The following CBLC variants were observed in gnomAD, a reference collection of about 807,000 sequenced individuals.
CBLC encodes the protein E3 ubiquitin-protein ligase CBL-C.
In CBLC, 46 loss-of-function variants were observed where a neutral mutation model predicts 58.6. That is an observed-to-expected ratio of 0.79 (90% confidence interval 0.62 to 1.00). The LOEUF (loss-of-function observed/expected upper bound fraction) is 1.00, where lower values mean the gene tolerates loss of function less well. CBLC is among the 50% of genes least tolerant of loss of function. The probability of loss-of-function intolerance (pLI) is 0.00; values close to 1 mark genes in which losing one functional copy is unlikely to be tolerated. For synonymous variants in CBLC, 271 were observed against 264.2 expected (o/e 1.03, Z -0.25); for missense variants, 655 against 625.8 (o/e 1.05, Z -0.50).
rs201152826 is a variant in CBLC at position 44,799,743 on chromosome 19, AAGAG to A, written c.1363-632_1363-629del. ...GAAAGAAGGAGGGAGAGAGAAAGGA[AAGAG>A]AGAGAAATAGAAAAAGAAAGAAAGG... On this transcript the variant is annotated intron_variant, in intron 9 of 10. Transcript: ENST00000647358. Among the ~76,000 whole-genome samples, 919 of 151,542 alleles carry A rather than the reference AAGAG, an allele frequency of 6.1e-3. 11 individuals carry two copies. The highest frequency in any genetic ancestry group is 0.021 in the African/African-American group (846 of 41,146).
Position 44,781,289 on chromosome 19 carries a change from C to G in CBLC, c.583C>G (p.Arg195Gly), listed in dbSNP as rs372310813. The G allele has an allele frequency of 6.2e-7, 1 of 1,613,480 alleles. No homozygotes were observed. The highest frequency in any genetic ancestry group is 8.5e-7 in the Non-Finnish European group (1 of 1,179,982). ...VEPGCTALAL[R>G]TTIDLTCSGH... ...ACCAGGCTGCACAGCCCTGGCCTTG[C>G]GCACCACCATTGACCTCACCTGCAG... The change falls in exon 3 of 11, where the codon CGC (arginine) becomes GGC (glycine). Residue 195 changes from arginine (R) to glycine (G), a missense_variant. By Grantham distance (125) the Arg-to-Gly change is moderately radical. This residue lies in a region of CBLC where 371 missense variants were observed against 370.8 expected (regional missense o/e 1.00). Coordinates refer to ENST00000647358, the MANE Select transcript of CBLC (RefSeq NM_012116.4).
chr19:44,782,501 C>T lies in CBLC; in HGVS notation c.779+10C>T, dbSNP rs775798790. 6.8e-6 allele frequency: 11 copies of T among 1,611,204 alleles called. No individual in the cohort carries two copies. The highest frequency in any genetic ancestry group is 8.5e-6 in the Non-Finnish European group (10 of 1,177,748). The stretch of plus-strand genomic sequence containing the variant: ...GGGACAAGCCAGGCAGGTAAAGGGT[C>T]CAGGGCTCAGCAGAACAAGGCTGCA... On this transcript the variant is annotated intron_variant, in intron 4 of 10. Coordinates refer to ENST00000647358, the MANE Select transcript of CBLC (RefSeq NM_012116.4).
At chr19:44,789,028 T>C (rs1203763903) in intron 5 of CBLC, among the ~76,000 whole-genome samples, 4 of 152,098 alleles carry the variant, frequency 2.6e-5, no homozygotes, top group Non-Finnish European at 5.9e-5. Flanking sequence ...CAATATTTCA[T>C]GTGCTATACA....
In CBLC at chr19:44,778,077, C is replaced by T. The variant is rs148948759; in HGVS notation, c.146C>T (p.Pro49Leu). The T allele has an allele frequency of 1.8e-5, 29 of 1,608,228 alleles. No homozygotes were observed. The highest frequency in any genetic ancestry group is 2.2e-5 in the South Asian group (2 of 91,066). ...CCCCCTTCGCTGCGGGACCTGCTGC[C>T]CCGCACAGCGCAGCTGCTTCGAGAG... ...VSPPSLRDLLPRTAQLLREVA... is the reference protein window; with the variant it reads ...VSPPSLRDLLLRTAQLLREVA... The change falls in exon 1 of 11, where the codon CCC becomes CTC. Residue 49 changes from proline (P) to leucine (L), a missense_variant. Physicochemically the swap from Pro to Leu is moderately conservative, Grantham distance 98. This residue lies in a region of CBLC where 280 missense variants were observed against 237.2 expected (regional missense o/e 1.18). Transcript: ENST00000647358.
At position 44,777,954 on chromosome 19, in the gene CBLC, G is replaced by T. The variant is rs34932144; in HGVS notation, c.23G>T (p.Trp8Leu). ...CCCATGGCTCTGGCGGTGGCCCCGTGGGGGCGACAGTGGGAAGAGGCCCGC... is the reference window on the plus strand; with the variant it reads ...CCCATGGCTCTGGCGGTGGCCCCGTTGGGGCGACAGTGGGAAGAGGCCCGC... MALAVAP[W>L]GRQWEEARAL... Residue 8 changes from tryptophan (W) to leucine (L), a missense_variant, in exon 1 of 11, where the codon TGG (tryptophan) becomes TTG (leucine). By Grantham distance (61) the Trp-to-Leu change is moderately conservative (BLOSUM62 -2). Around this residue, in one of 3 missense-constraint regions of CBLC, gnomAD observed 280 missense variants for 237.2 expected, o/e 1.18. Coordinates refer to ENST00000647358, the MANE Select transcript of CBLC (RefSeq NM_012116.4). 15 of 1,599,292 alleles carry T rather than the reference G, an allele frequency of 9.4e-6. No individual in the cohort carries two copies. The highest frequency in any genetic ancestry group is 1.7e-4 in the Middle Eastern group (1 of 6,016).
intron 9 of CBLC, 74 bp downstream of exon 9, chr19:44,794,355 C>G: frequency 7.0e-7 from 1 of 1,419,348 alleles, no homozygotes; most frequent in Non-Finnish European, 9.9e-7. Flanking sequence ...CACCTGTGCA[C>G]TCAGGGGTGC....
intron 3 of CBLC, among the ~76,000 whole-genome samples, 195 bp downstream of exon 3, chr19:44,781,558 A>AG (rs1372383150): frequency 3.0e-4 from 5 of 16,788 alleles, no homozygotes; most frequent in East Asian, 2.7e-3. Context: ...CTGAGGGAGG[A>AG]GGGGCTGGGG....
rs779009321 is a variant in CBLC at position 44,777,927 on chromosome 19, C to T, written c.-5C>T. 8.3e-6 allele frequency: 13 copies of T among 1,567,060 alleles called. No homozygotes were observed. In the South Asian group the frequency reaches 1.3e-4, roughly 15 times the overall value. ...CCGGTCCTTCCCGGCACACGCGAGG[C>T]TCCCATGGCTCTGGCGGTGGCCCCG... On this transcript the variant is annotated 5_prime_UTR_variant, in exon 1 of 11. Transcript: ENST00000647358.
At chr19:44,780,829 G>A in intron 1 of CBLC, 76 bp from the exon 2 acceptor site, 1 of 1,435,162 alleles carries the variant, frequency 7.0e-7, no homozygotes, top group Non-Finnish European at 9.6e-7. Context: ...ATCCCTGCAG[G>A]TGTTCCCCAT....
Position 44,778,019 on chromosome 19 carries a change from G to C in CBLC, c.88G>C (p.Glu30Gln). 1 of 1,609,270 alleles carries C rather than the reference G, an allele frequency of 6.2e-7. No individual in the cohort carries two copies. Among genetic ancestry groups the C allele is most frequent in the Non-Finnish European group, 8.5e-7 (1 of 1,179,592 alleles). ...AGTCAGGATGCTGCAGCGCCTAGAAGAGCAATGCGTCGACCCCCGGCTGTC... is the reference window on the plus strand; with the variant it reads ...AGTCAGGATGCTGCAGCGCCTAGAACAGCAATGCGTCGACCCCCGGCTGTC... ...RAVRMLQRLE[E>Q]QCVDPRLSVS... Residue 30 changes from glutamate to glutamine, a missense_variant, in exon 1 of 11, where the codon GAG becomes CAG. By Grantham distance (29) the Glu-to-Gln change is conservative (BLOSUM62 2). This residue lies in a region of CBLC where 280 missense variants were observed against 237.2 expected (regional missense o/e 1.18). Transcript: ENST00000647358.
At chr19:44,787,267 G>A (rs973050242) in intron 5 of CBLC, among the ~76,000 whole-genome samples, 4 of 151,510 alleles carry the variant, frequency 2.6e-5, no homozygotes, top group African/African-American at 7.3e-5. Context: ...AGTGGCGGGC[G>A]TCTGTAGTCC....
chr19:44,794,156 G>A lies in CBLC; in HGVS notation c.1285-48G>A, dbSNP rs769027274. 7.0e-6 allele frequency: 11 copies of A among 1,576,312 alleles called. No individual in the cohort carries two copies. In the South Asian group the frequency reaches 8.2e-5, roughly 12 times the overall value. The stretch of plus-strand genomic sequence containing the variant: ...AGGCAGGAGAACATGGAGGCGAGAA[G>A]AAAATGGCAGCTCACAAGCCCCTTC... On this transcript the variant is annotated intron_variant, in intron 8 of 10. Transcript: ENST00000647358.
Position 44,792,428 on chromosome 19 carries a change from TGCAAGATCTGTGCTGAGA to T in CBLC, c.1056_1073del (p.Lys352_Ser357del). On this transcript the variant is annotated inframe_deletion, in exon 7 of 11. Coordinates refer to ENST00000647358, the MANE Select transcript of CBLC (RefSeq NM_012116.4). ...GGCCATGGACTCCACATTTGAGCTC[TGCAAGATCTGTGCTGAGA>T]GCAACAAGGATGTGAAGATTGAGCC... The T allele has an allele frequency of 6.2e-7, 1 of 1,613,654 alleles. No individual in the cohort carries two copies. The highest frequency in any genetic ancestry group is 8.5e-7 in the Non-Finnish European group (1 of 1,179,850).
chr19:44,779,874 T>G (rs1967675086), intron 1 of CBLC, among the ~76,000 whole-genome samples: 1 of 152,040 alleles, frequency 6.6e-6, no homozygotes, highest in Non-Finnish European at 1.5e-5. Flanking sequence ...TAATTCATCC[T>G]GAGAGGACAT....
intron 5 of CBLC, among the ~76,000 whole-genome samples, chr19:44,786,003 T>C (rs1967895314): frequency 6.6e-6 from 1 of 152,032 alleles, no homozygotes; most frequent in African/African-American, 2.4e-5. Flanking sequence ...GCTCACCATG[T>C]TGCCTAGGCT....
chr19:44,789,675 G>A (rs1967995960), intron 5 of CBLC, among the ~76,000 whole-genome samples: 1 of 152,224 alleles, frequency 6.6e-6, no homozygotes, highest in South Asian at 2.1e-4. Context: ...ACAGGCGTAA[G>A]CCACCACACC....
At chr19:44,784,116 G>A (rs1416846248) in intron 4 of CBLC, 148 bp from the exon 5 acceptor site, 1 of 613,670 alleles carries the variant, frequency 1.6e-6, no homozygotes, top group East Asian at 2.8e-5. Context: ...GGCAGGCAGG[G>A]GTCTAGCACA....
chr19:44,800,455 G>GTCCAT lies in CBLC; in HGVS notation c.*7+9_*7+13dup, dbSNP rs1968271264. On this transcript the variant is annotated splice_donor_region_variant and intron_variant, in intron 10 of 10. Transcript: ENST00000647358. Reference sequence around the variant, plus strand: ...CTGCCCCGGCCTGAAGGCCAGGTGAGTCCATTCCCTAACCCTCCCTGGCCC... The same window carrying GTCCAT: ...CTGCCCCGGCCTGAAGGCCAGGTGAGTCCATTCCATTCCCTAACCCTCCCTGGCCC... The GTCCAT allele has an allele frequency of 3.1e-6, 5 of 1,602,388 alleles. No homozygotes were observed. Among genetic ancestry groups the GTCCAT allele is most frequent in the Non-Finnish European group, 4.3e-6 (5 of 1,170,274 alleles).
chr19:44,799,892 AAAAG>A (rs1230585784), intron 9 of CBLC, among the ~76,000 whole-genome samples: 8 of 152,142 alleles, frequency 5.3e-5, no homozygotes, highest in African/African-American at 9.7e-5. Flanking sequence ...AAAAGAGAAT[AAAAG>A]AAAGAAAGGG....
Sources: allele counts gnomAD v4.1 joint callset (sites outside exome capture counted in the v4.1 genomes callset), GRCh38; gene constraint gnomAD v4.1.1; regional missense constraint gnomAD v4.1.1; transcripts MANE v1.5; gene names NCBI Gene and HGNC (gene_info 2026-07-23, HGNC 2026-07-21).